The following MCPH1 variants were observed in gnomAD, a reference collection of about 807,000 sequenced individuals.
MCPH1 encodes microcephalin.
MCPH1 carries 104 observed loss-of-function variants against 84.5 expected under a neutral mutation model. The ratio of observed to expected loss-of-function variants is 1.23; its 90% CI spans 1.05 to 1.45. MCPH1 has a LOEUF of 1.45. MCPH1 is among the 40% of genes most tolerant of loss of function. MCPH1 has a pLI of 0.00. For synonymous variants in MCPH1, 514 were observed against 366.8 expected, an observed-to-expected ratio of 1.40 and a Z score of -4.58; for missense variants, 1,498 against 1,005.7, an observed-to-expected ratio of 1.49 and a Z score of -6.62.
chr8:6,561,557 G>T (rs892592070), intron 12 of MCPH1, among the ~76,000 whole-genome samples: 2 of 152,118 alleles, frequency 1.3e-5, no homozygotes, highest in Non-Finnish European at 2.9e-5. Context: ...CTTTTTCTAG[G>T]GTCATGCGTC....
intron 12 of MCPH1, among the ~76,000 whole-genome samples, chr8:6,503,601 A>G (rs1812637770): frequency 6.6e-6 from 1 of 152,220 alleles, no homozygotes; most frequent in South Asian, 2.1e-4. Context: ...GCACAGTTGG[A>G]AAACTCTCCT....
rs1798316667 is a variant in MCPH1 at position 6,648,397 on chromosome 8, A to G, written c.*5348A>G. ...CAGAGGACCCATCAGACAGAAAGTA[A>G]TATGCAGATAACAGCCCAGGGGAAT... On this transcript the variant is annotated 3_prime_UTR_variant, in exon 14 of 14. Coordinates refer to ENST00000344683, the MANE Select transcript of MCPH1 (RefSeq NM_024596.5). The G allele has an allele frequency of 1.3e-5, 2 of 152,250 alleles. No individual in the cohort carries two copies. Among genetic ancestry groups the G allele is most frequent in the African/African-American group, 4.8e-5 (2 of 41,476 alleles). 9.4% of individuals were successfully genotyped at this position (152,250 alleles called of 1,614,324 possible).
intron 9 of MCPH1, among the ~76,000 whole-genome samples, chr8:6,471,138 C>G (rs1269718101): frequency 2.0e-5 from 3 of 152,174 alleles, no homozygotes; most frequent in African/African-American, 7.2e-5. Context: ...AAGTGACCTT[C>G]CTTGCTCACC....
chr8:6,423,296 C>G (rs1330182794), intron 3 of MCPH1, among the ~76,000 whole-genome samples: 1 of 145,102 alleles, frequency 6.9e-6, no homozygotes, highest in African/African-American at 2.6e-5. Context: ...TCCTGAGTAG[C>G]TGGGACTACA....
chr8:6,628,489 A>G (rs1586868424), intron 13 of MCPH1, among the ~76,000 whole-genome samples: 1 of 151,056 alleles, frequency 6.6e-6, no homozygotes, highest in Non-Finnish European at 1.5e-5. Flanking sequence ...AAAAAAAAAA[A>G]AAAAACATTA....
chr8:6,554,153 G>T (rs1824166739), intron 12 of MCPH1, among the ~76,000 whole-genome samples: 1 of 150,180 alleles, frequency 6.7e-6, no homozygotes, highest in Non-Finnish European at 1.5e-5. Flanking sequence ...TAGACTAATA[G>T]TAGTCTTATC....
At chr8:6,602,463 G>A (rs1216865845) in intron 12 of MCPH1, among the ~76,000 whole-genome samples, 1 of 152,150 alleles carries the variant, frequency 6.6e-6, no homozygotes, top group African/African-American at 2.4e-5. Flanking sequence ...CCAGACCCCA[G>A]CCTCTCTGGG....
At chr8:6,426,008 G>T (rs1450962519) in intron 3 of MCPH1, among the ~76,000 whole-genome samples, 2 of 152,124 alleles carry the variant, frequency 1.3e-5, no homozygotes, top group Non-Finnish European at 2.9e-5. Flanking sequence ...AGAAGAAGCT[G>T]CTAAAAACTT....
chr8:6,442,032 C>G (rs769248709), intron 6 of MCPH1, 35 bp from the exon 7 acceptor site: 26 of 1,453,246 alleles, frequency 1.8e-5, no homozygotes, highest in Non-Finnish European at 2.3e-5. Flanking sequence ...AATACTGAAA[C>G]TTTATCTAAT....
chr8:6,627,403 G>C (rs1796818404), intron 13 of MCPH1: 3 of 531,984 alleles, frequency 5.6e-6, no homozygotes, highest in Non-Finnish European at 7.2e-6. Flanking sequence ...CCCCACCCAG[G>C]TTTCCACACC....
At position 6,575,328 on chromosome 8, in the gene MCPH1, A is replaced by G. The variant is rs1563146396; in HGVS notation, c.2215-46126A>G. On this transcript the variant is annotated intron_variant, in intron 12 of 13. Transcript: ENST00000344683. ...TAGCAATGTGGGTTTTTCTAGACAA[A>G]GTTAAGCAGCAAAGCAGCTCCATTA... Among the ~76,000 whole-genome samples, 3 of 152,222 alleles carry G rather than the reference A, an allele frequency of 2.0e-5. No individual in the cohort carries two copies. The South Asian group carries it at 6.2e-4, about 32-fold the overall frequency.
At chr8:6,541,832 C>T (rs1821632420) in intron 12 of MCPH1, among the ~76,000 whole-genome samples, 1 of 151,874 alleles carries the variant, frequency 6.6e-6, no homozygotes, top group South Asian at 2.1e-4. Context: ...GGCGAGACTC[C>T]ATCTCTACAG....
rs150619031 is a variant in MCPH1 at position 6,453,870 on chromosome 8, G to A, written c.1826-1273G>A. Among the ~76,000 whole-genome samples the A allele has an allele frequency of 1.2e-3, 183 of 152,310 alleles. 3 individuals carry two copies. The East Asian group carries it at 0.029, about 24-fold the overall frequency. The stretch of plus-strand genomic sequence containing the variant: ...CTGGTTTGAGTCTCGAGTGGATTCA[G>A]TATTAGGGATTATGGCAAAGAGTGT... On this transcript the variant is annotated intron_variant, in intron 8 of 13. Transcript: ENST00000344683.
In MCPH1 at chr8:6,436,077, T is replaced by C; in HGVS notation, c.351T>C (p.Asn117=). ...KRKCMQPKDF[N]FKTPENDKRF... ...AATGTATGCAGCCCAAAGATTTTAA[T>C]TTTAAAACACCAGAAAATGATAAGA... Residue 117 remains asparagine (N), a synonymous_variant, in exon 5 of 14, where the codon AAT becomes AAC. Coordinates refer to ENST00000344683, the MANE Select transcript of MCPH1 (RefSeq NM_024596.5). 1 of 1,613,886 alleles carries C rather than the reference T, an allele frequency of 6.2e-7. No individual in the cohort carries two copies. Among genetic ancestry groups the C allele is most frequent in the South Asian group, 1.1e-5 (1 of 91,040 alleles).
chr8:6,410,554 G>A (rs569591874), intron 2 of MCPH1, among the ~76,000 whole-genome samples: 5 of 152,232 alleles, frequency 3.3e-5, no homozygotes, highest in African/African-American at 7.2e-5. Context: ...TTGTGTTCAG[G>A]TAGCCTCTAT....
chr8:6,531,039 C>T (rs1189041757), intron 12 of MCPH1, among the ~76,000 whole-genome samples: 1 of 152,112 alleles, frequency 6.6e-6, no homozygotes, highest in African/African-American at 2.4e-5. Flanking sequence ...AGTAGGAAGC[C>T]ACTGACTTCA....
At chr8:6,579,040 GC>G (rs1827339650) in intron 12 of MCPH1, among the ~76,000 whole-genome samples, 1 of 152,188 alleles carries the variant, frequency 6.6e-6, no homozygotes, top group Non-Finnish European at 1.5e-5. Context: ...GAATACTGAG[GC>G]CCTGTGGGAT....
At chr8:6,557,169 G>C (rs1002352446) in intron 12 of MCPH1, among the ~76,000 whole-genome samples, 4 of 152,124 alleles carry the variant, frequency 2.6e-5, no homozygotes, top group Non-Finnish European at 5.9e-5. Context: ...GGAAAATTCT[G>C]CTTTTGTCAG....
In MCPH1 at chr8:6,421,013, G is replaced by A. The variant is rs186004961; in HGVS notation, c.233+6130G>A. Among the ~76,000 whole-genome samples the A allele has an allele frequency of 3.9e-5, 6 of 152,282 alleles. No individual in the cohort carries two copies. In the East Asian group the frequency reaches 1.2e-3, roughly 29 times the overall value. On this transcript the variant is annotated intron_variant, in intron 3 of 13. Transcript: ENST00000344683. ...GAGGTCTAATTTGATGTTTAACCTTGATCCTGGGATTTGTAGGCTCGCCCT... is the reference window on the plus strand; with the variant it reads ...GAGGTCTAATTTGATGTTTAACCTTAATCCTGGGATTTGTAGGCTCGCCCT...
Sources: gnomAD v4.1 joint callset for allele counts (sites outside exome capture counted in the v4.1 genomes callset) on GRCh38, gnomAD v4.1.1 for gene constraint, MANE v1.5 for transcripts, NCBI Gene and HGNC (gene_info 2026-07-23, HGNC 2026-07-21) for gene names.